ANAPC7: variants seen among roughly 807,000 people sequenced by gnomAD.
ANAPC7 encodes the protein anaphase promoting complex subunit 7, also known as anaphase-promoting complex subunit 7.
ANAPC7 carries 25 observed loss-of-function variants against 63.3 expected under a neutral mutation model. That is an observed-to-expected ratio of 0.39 (90% confidence interval 0.29 to 0.55). The LOEUF (loss-of-function observed/expected upper bound fraction) is 0.55. ANAPC7 is among the 20% of genes least tolerant of loss of function. The pLI, the probability that ANAPC7 is intolerant of heterozygous loss-of-function variation, is 0.57. For synonymous variants in ANAPC7, 241 were observed against 251.7 expected (o/e 0.96, Z 0.40); for missense variants, 516 against 691.7 (o/e 0.75, Z 2.85).
intron 3 of ANAPC7, among the ~76,000 whole-genome samples, chr12:110,390,730 T>G (rs1883019308): frequency 6.6e-6 from 1 of 152,202 alleles, no homozygotes; most frequent in African/African-American, 2.4e-5. Flanking sequence ...AGGATTGATG[T>G]CAATACTTGT....
At chr12:110,395,381 C>T (rs1392425915) in intron 2 of ANAPC7, among the ~76,000 whole-genome samples, 161 bp from the exon 3 acceptor site, 1 of 151,150 alleles carries the variant, frequency 6.6e-6, no homozygotes, top group Non-Finnish European at 1.5e-5. Flanking sequence ...GTGGTGCAAA[C>T]ATGATTTACT....
intron 3 of ANAPC7, among the ~76,000 whole-genome samples, chr12:110,394,354 C>CGG (rs1182923409): frequency 6.7e-6 from 1 of 150,156 alleles, no homozygotes; most frequent in East Asian, 2.0e-4. Context: ...TGGCCAGGTG[C>CGG]GGTGGCTCCC....
At chr12:110,382,451 AAAAAAAAAAAATATATATATATATAT>A (rs1351578732) in intron 7 of ANAPC7, among the ~76,000 whole-genome samples, 13 of 69,624 alleles carry the variant, frequency 1.9e-4, no homozygotes, top group African/African-American at 6.8e-4. Context: ...TAAAAAAAAA[AAAAAAAAAAAATATATATATATATAT>A]ATATATATAT....
chr12:110,395,257 T>C (rs752187264), intron 2 of ANAPC7, 37 bp from the exon 3 acceptor site: 1 of 1,587,424 alleles, frequency 6.3e-7, no homozygotes, highest in South Asian at 1.1e-5. Context: ...GAAACGTTAT[T>C]CCAACAATAT....
chr12:110,380,624 C>A (rs1468250106), intron 8 of ANAPC7, among the ~76,000 whole-genome samples: 1 of 141,832 alleles, frequency 7.1e-6, no homozygotes, highest in Non-Finnish European at 1.5e-5. Flanking sequence ...GCACTCCAGC[C>A]TGGGTGACAG....
intron 4 of ANAPC7, among the ~76,000 whole-genome samples, chr12:110,388,151 C>T (rs1882779829): frequency 6.6e-6 from 1 of 152,082 alleles, no homozygotes; most frequent in Non-Finnish European, 1.5e-5. Flanking sequence ...ATACTCATGC[C>T]CCAGCCTTCC....
chr12:110,394,669 C>CAAAAAAAAAAAAAAAAAAAAA (rs779142936), intron 3 of ANAPC7, among the ~76,000 whole-genome samples: 7 of 42,776 alleles, frequency 1.6e-4, no homozygotes, highest in African/African-American at 7.4e-4. Context: ...AATTCCACCT[C>CAAAAAAAAAAAAAAAAAAAAA]AAAAAAAAAA....
intron 3 of ANAPC7, 145 bp downstream of exon 3, chr12:110,394,950 TCCCCCA>T: frequency 1.2e-6 from 1 of 834,134 alleles, no homozygotes; most frequent in Non-Finnish European, 1.8e-6. Flanking sequence ...ATTTTCAGGG[TCCCCCA>T]CCCCCACTCC....
At chr12:110,399,283 G>A (rs888203541) in intron 1 of ANAPC7, among the ~76,000 whole-genome samples, 1 of 151,980 alleles carries the variant, frequency 6.6e-6, no homozygotes, top group African/African-American at 2.4e-5. Context: ...GCCTCCCAAA[G>A]TGCTGGGATT....
intron 6 of ANAPC7, among the ~76,000 whole-genome samples, chr12:110,383,527 C>T (rs1420677556): frequency 6.6e-6 from 1 of 151,934 alleles, no homozygotes. Context: ...TCACCTGGGC[C>T]CAGGAGTTCA....
In ANAPC7 at chr12:110,374,251, C is replaced by T; in HGVS notation, c.1591G>A (p.Glu531Lys). The T allele has an allele frequency of 1.2e-6, 2 of 1,614,196 alleles. No homozygotes were observed. Among genetic ancestry groups the T allele is most frequent in the Non-Finnish European group, 1.7e-6 (2 of 1,180,050 alleles). The change falls in exon 11 of 11, where the codon GAG becomes AAG. Residue 531 changes from glutamate (E) to lysine (K), a missense_variant. Transcript: ENST00000455511. ...CTCCCTTCCATGTCGTCCACATCCT[C>T]CTCCTGAGTGGCATCCGTGGGACTC... is the stretch of plus-strand genomic sequence containing the variant. Reference protein sequence around the residue: ...EESPTDATQEEDVDDMEGSGE... With the variant: ...EESPTDATQEKDVDDMEGSGE...
chr12:110,374,013 G>T lies in ANAPC7; in HGVS notation c.*131C>A. The T allele has an allele frequency of 1.9e-6, 2 of 1,058,020 alleles. No individual in the cohort carries two copies. The highest frequency in any genetic ancestry group is 2.6e-6 in the Non-Finnish European group (2 of 757,200). The allele number at this position is 1,058,020 out of a possible 1,614,324, so 65.5% of individuals were successfully genotyped here. On this transcript the variant is annotated 3_prime_UTR_variant, in exon 11 of 11. Transcript: ENST00000455511. ...AGTCACGACTAGGAATTGGGAGCGA[G>T]GGGGCAGAGACCCCTGCTGCAATCA...
intron 1 of ANAPC7, among the ~76,000 whole-genome samples, chr12:110,401,656 C>G (rs900188922): frequency 1.3e-5 from 2 of 151,942 alleles, no homozygotes; most frequent in Non-Finnish European, 2.9e-5. Flanking sequence ...TTTGGGAGGC[C>G]GAGGCGGCGG....
intron 3 of ANAPC7, among the ~76,000 whole-genome samples, chr12:110,394,168 T>G (rs1194013658): frequency 6.6e-6 from 1 of 150,720 alleles, no homozygotes; most frequent in African/African-American, 2.4e-5. Flanking sequence ...AGAGCAAGAC[T>G]CTGTCTCAAA....
At chr12:110,384,971 T>A (rs1882323875) in intron 6 of ANAPC7, among the ~76,000 whole-genome samples, 1 of 152,152 alleles carries the variant, frequency 6.6e-6, no homozygotes, top group Non-Finnish European at 1.5e-5. Context: ...TCATTAAAGA[T>A]CACTGCCTCG....
chr12:110,402,893 G>A (rs1386647157), intron 1 of ANAPC7, among the ~76,000 whole-genome samples: 6 of 151,984 alleles, frequency 3.9e-5, no homozygotes, highest in East Asian at 1.9e-4. Context: ...GCACCATCAC[G>A]CCCGGCTAAT....
intron 6 of ANAPC7, 132 bp downstream of exon 6, chr12:110,386,195 A>T: frequency 7.4e-7 from 1 of 1,344,344 alleles, no homozygotes; most frequent in Non-Finnish European, 1.0e-6. Flanking sequence ...TAAAAAAAGT[A>T]AAAGACTAGT....
intron 9 of ANAPC7, among the ~76,000 whole-genome samples, chr12:110,376,839 G>A (rs534402832): frequency 5.3e-5 from 8 of 151,850 alleles, no homozygotes; most frequent in South Asian, 2.1e-4. Flanking sequence ...ACAGTGAGCC[G>A]AGGCTGGGCA....
At chr12:110,390,325 C>T (rs551719890) in intron 3 of ANAPC7, among the ~76,000 whole-genome samples, 1 of 152,210 alleles carries the variant, frequency 6.6e-6, no homozygotes, top group Non-Finnish European at 1.5e-5. Context: ...CCAACCACCT[C>T]GGCCTCCCAA....
Sources: gnomAD v4.1 joint callset for allele counts (sites outside exome capture counted in the v4.1 genomes callset) on GRCh38, gnomAD v4.1.1 for gene constraint, MANE v1.5 for transcripts, NCBI Gene and HGNC (gene_info 2026-07-23, HGNC 2026-07-21) for gene names.